The following MARCHF8 variants were observed in gnomAD, a reference collection of about 807,000 sequenced individuals.
The protein encoded by MARCHF8 is membrane associated ring-CH-type finger 8.
In MARCHF8, 40 loss-of-function variants were observed where a neutral mutation model predicts 51.6. The ratio of observed to expected loss-of-function variants is 0.77; its 90% confidence interval spans 0.60 to 1.01. The LOEUF is 1.01. Ranked by LOEUF, MARCHF8 falls within the 50% of genes least tolerant of loss-of-function variation. The pLI is 0.00. For missense variants in MARCHF8, 685 were observed against 708.6 expected, an observed-to-expected ratio of 0.97 and a Z score of 0.38; for synonymous variants, 263 against 280.3, an observed-to-expected ratio of 0.94 and a Z score of 0.62.
At chr10:45,507,402 G>A (rs2043406217) in intron 2 of MARCHF8, among the ~76,000 whole-genome samples, 1 of 152,166 alleles carries the variant, frequency 6.6e-6, no homozygotes, top group Admixed American at 6.5e-5. Context: ...GACTATACAA[G>A]AAGCATGGTG....
intron 1 of MARCHF8, among the ~76,000 whole-genome samples, chr10:45,552,714 T>A (rs2044209213): frequency 6.6e-6 from 1 of 152,192 alleles, no homozygotes; most frequent in Admixed American, 6.5e-5. Flanking sequence ...CATTCGTCCC[T>A]AAAATAGATT....
rs1418799546 is a variant in MARCHF8, at chr10:45,463,152, T to C, written c.1087A>G (p.Arg363Gly). The change falls in exon 5 of 8, where the codon AGG (arginine) becomes GGG (glycine). Residue 363 changes from arginine to glycine, a missense_variant and splice_region_variant. Coordinates refer to ENST00000453424, the MANE Select transcript of MARCHF8 (RefSeq NM_001282866.2). ...SPVSTSGDVC[R>G]ICHCEGDDES... ...AATGGCACTTCCTGGCAAACCAACC[T>C]GCAGACATCCCCTGACGTGGACACG... The C allele has an allele frequency of 9.0e-6, 14 of 1,547,728 alleles. No individual in the cohort carries two copies. In the East Asian group the frequency reaches 3.4e-4, roughly 38 times the overall value.
rs1292748272 is a variant in MARCHF8 at position 45,535,274 on chromosome 10, C to T, written c.-142G>A. On this transcript the variant is annotated 5_prime_UTR_variant, in exon 1 of 8. It adds an upstream start codon to the 5' untranslated region. Coordinates refer to ENST00000453424, the MANE Select transcript of MARCHF8 (RefSeq NM_001282866.2). ...TCAGTGGTAAGCAGTTTTTTCATCA[C>T]TAATGCACTAACGTCCTCTATTACA... is the stretch of plus-strand genomic sequence containing the variant. The T allele has an allele frequency of 1.3e-5, 2 of 152,236 alleles. No homozygotes were observed. Among genetic ancestry groups the T allele is most frequent in the African/African-American group, 2.4e-5 (1 of 41,458 alleles). 9.4% of individuals were successfully genotyped at this position (152,236 alleles called of 1,614,324 possible).
intron 7 of MARCHF8, 110 bp downstream of exon 7, chr10:45,459,010 C>T: frequency 2.1e-6 from 3 of 1,410,356 alleles, no homozygotes; most frequent in Non-Finnish European, 2.9e-6. Context: ...ACTGATGTCC[C>T]TCCTCCGGAA....
intron 2 of MARCHF8, among the ~76,000 whole-genome samples, chr10:45,517,034 A>G (rs1014658747): frequency 1.3e-5 from 2 of 152,204 alleles, no homozygotes; most frequent in Middle Eastern, 3.2e-3. Flanking sequence ...ACTGGATTGT[A>G]AAAGCAAATT....
At chr10:45,486,863 G>A (rs1162847450) in intron 3 of MARCHF8, among the ~76,000 whole-genome samples, 1 of 142,636 alleles carries the variant, frequency 7.0e-6, no homozygotes, top group Non-Finnish European at 1.5e-5. Context: ...AAGCTGGAGT[G>A]CAATGGTGTG....
intron 3 of MARCHF8, among the ~76,000 whole-genome samples, chr10:45,487,209 CT>C (rs2042997159): frequency 6.6e-6 from 1 of 152,174 alleles, no homozygotes; most frequent in Non-Finnish European, 1.5e-5. Context: ...TTCCAAAACC[CT>C]TACAAAGCTC....
Position 45,584,545 on chromosome 10 carries a change from T to TG in MARCHF8, c.-79+9689dup, listed in dbSNP as rs1260840708. On this transcript the variant is annotated intron_variant, in intron 1 of 6. Coordinates refer to the MARCHF8 transcript ENST00000319836. ...GAACTCCAATGTCTGCTAAGGTAAA[T>TG]GCATACTGGTACCACCACTATGGAA... 2.0e-5 allele frequency among the ~76,000 whole-genome samples: 3 copies of TG among 152,060 alleles called. No homozygotes were observed. The East Asian group carries it at 5.8e-4, about 29-fold the overall frequency.
At chr10:45,512,108 T>G (rs866116439) in intron 2 of MARCHF8, among the ~76,000 whole-genome samples, 2 of 145,456 alleles carry the variant, frequency 1.4e-5, no homozygotes, top group Non-Finnish European at 3.0e-5. Flanking sequence ...CCGCCCCGTC[T>G]GGGATGTGAG....
chr10:45,459,126 C>A lies in MARCHF8; in HGVS notation c.1411G>T (p.Ala471Ser). The change falls in exon 7 of 8, where the codon GCA (alanine) becomes TCA (serine). Residue 471 changes from alanine to serine, a missense_variant. Ala to Ser is a moderately conservative substitution (Grantham distance 99). Transcript: ENST00000453424. ...CTCCAGCCTGAGAACTCACCTGTTG[C>A]CTGCCCCTGCTTGATCTCCTCAGCA... ...RTAEEIKQGQ[A>S]TGILEWPFWT... 1 of 1,613,996 alleles carries A rather than the reference C, an allele frequency of 6.2e-7. No homozygotes were observed. Among genetic ancestry groups the A allele is most frequent in the Non-Finnish European group, 8.5e-7 (1 of 1,179,984 alleles).
At chr10:45,514,610 A>G (rs1481210934) in intron 2 of MARCHF8, among the ~76,000 whole-genome samples, 1 of 152,258 alleles carries the variant, frequency 6.6e-6, no homozygotes, top group Non-Finnish European at 1.5e-5. Flanking sequence ...TGACAAGTCC[A>G]TTCTAGCAAC....
intron 2 of MARCHF8, among the ~76,000 whole-genome samples, chr10:45,524,666 C>T (rs889066329): frequency 2.6e-5 from 4 of 152,148 alleles, no homozygotes; most frequent in African/African-American, 9.7e-5. Flanking sequence ...TGCTGAGAGA[C>T]CCAACTAATA....
chr10:45,537,486 C>T (rs1024692280), upstream of MARCHF8, among the ~76,000 whole-genome samples: 1 of 151,848 alleles, frequency 6.6e-6, no homozygotes, highest in Non-Finnish European at 1.5e-5. Flanking sequence ...AACCACATCC[C>T]TACAAAAAAC....
At chr10:45,534,699 G>A (rs2043946521) in intron 1 of MARCHF8, among the ~76,000 whole-genome samples, 1 of 152,160 alleles carries the variant, frequency 6.6e-6, no homozygotes, top group Non-Finnish European at 1.5e-5. Context: ...TGGGGTAGGG[G>A]GTGGGGACAG....
chr10:45,556,858 T>C (rs117724372), intron 1 of MARCHF8, among the ~76,000 whole-genome samples: 138 of 152,258 alleles, frequency 9.1e-4, no homozygotes, highest in Middle Eastern at 3.4e-3. Context: ...GATGAGTAAA[T>C]AGAATCAAGT....
chr10:45,490,344 C>G (rs2043059226), intron 2 of MARCHF8, among the ~76,000 whole-genome samples: 1 of 152,178 alleles, frequency 6.6e-6, no homozygotes, highest in African/African-American at 2.4e-5. Flanking sequence ...GGAGGTGACT[C>G]TAATCCTAGT....
chr10:45,460,729 T>A (rs766853084), intron 6 of MARCHF8, among the ~76,000 whole-genome samples: 1 of 152,176 alleles, frequency 6.6e-6, no homozygotes. Context: ...CTGAAGACAG[T>A]TGCACATCAC....
intron 2 of MARCHF8, among the ~76,000 whole-genome samples, chr10:45,495,063 T>A (rs1342415720): frequency 6.7e-6 from 1 of 150,346 alleles, no homozygotes; most frequent in Non-Finnish European, 1.5e-5. Flanking sequence ...GAGGTTGCAG[T>A]GAGCCGAGAT....
At chr10:45,565,408 G>A (rs971152591) in intron 1 of MARCHF8, among the ~76,000 whole-genome samples, 10 of 152,204 alleles carry the variant, frequency 6.6e-5, no homozygotes, top group African/African-American at 9.6e-5. Flanking sequence ...CAGCCTGGGC[G>A]AGAGAGTAAG....
Sources: gnomAD v4.1 joint callset for allele counts (sites outside exome capture counted in the v4.1 genomes callset) on GRCh38, gnomAD v4.1.1 for gene constraint, MANE v1.5 for transcripts, NCBI Gene and HGNC (gene_info 2026-07-23, HGNC 2026-07-21) for gene names.